PWWP3A: variants seen among roughly 807,000 people sequenced by gnomAD.
PWWP3A encodes PWWP domain-containing DNA repair factor 3A.
A neutral mutation model predicts 79.0 loss-of-function variants in PWWP3A; 53 were observed. That is an observed-to-expected ratio of 0.67 (90% CI 0.54 to 0.84). The LOEUF (loss-of-function observed/expected upper bound fraction) is 0.84. Ranked by LOEUF, PWWP3A falls within the 40% of genes least tolerant of loss-of-function variation. The pLI, the probability that PWWP3A is intolerant of heterozygous loss-of-function variation, is 0.00. For synonymous variants in PWWP3A, 443 were observed against 394.4 expected, an observed-to-expected ratio of 1.12 and a Z score of -1.46; for missense variants, 973 against 948.0, an observed-to-expected ratio of 1.03 and a Z score of -0.35.
rs754438911 is a variant in PWWP3A, at chr19:1,376,295, G to GTTTTTTTTTT, written c.2076-222_2076-213dup. ...CATGCGCCACCACGCCCGGCTGTTT[G>GTTTTTTTTTT]TTTTTTTTTTTGTTTGTTTTTTTTT... On this transcript the variant is annotated intron_variant, in intron 13 of 13. Coordinates refer to ENST00000591337, the MANE Select transcript of PWWP3A (RefSeq NM_001369789.1). Among the ~76,000 whole-genome samples, 20 of 67,062 alleles carry GTTTTTTTTTT rather than the reference G, an allele frequency of 3.0e-4. 1 individual carries two copies. The highest frequency in any genetic ancestry group is 7.5e-4 in the East Asian group (2 of 2,656). 44.0% of individuals were successfully genotyped at this position (67,062 alleles called of 152,430 possible). A position where few individuals can be genotyped will look rare whatever the true frequency, so the allele number is the denominator to read the frequency against.
At chr19:1,364,470 ATTCTT>A (rs1221680909) in intron 6 of PWWP3A, 34 bp from the exon 7 acceptor site, 3 of 1,494,330 alleles carry the variant, frequency 2.0e-6, no homozygotes, top group Non-Finnish European at 2.7e-6. Flanking sequence ...TGACTTGTCT[ATTCTT>A]TTTTTTTTGT....
chr19:1,373,021 GGGGCCAGTT>G (rs1424700141), intron 12 of PWWP3A, 42 bp from the exon 13 acceptor site: 14 of 1,566,174 alleles, frequency 8.9e-6, no homozygotes, highest in Non-Finnish European at 1.1e-5. Flanking sequence ...CAGGCCACTT[GGGGCCAGTT>G]GGGCAGTGCC....
At chr19:1,375,705 T>C (rs2082371656) in intron 13 of PWWP3A, among the ~76,000 whole-genome samples, 1 of 140,606 alleles carries the variant, frequency 7.1e-6, no homozygotes. Flanking sequence ...CAATTTAATA[T>C]ATAATATATA....
intron 3 of PWWP3A, chr19:1,357,465 T>G (rs984579133): frequency 1.3e-5 from 2 of 154,264 alleles, no homozygotes; most frequent in African/African-American, 4.9e-5. Flanking sequence ...GATGTTTCCT[T>G]CCCAGAGATC....
chr19:1,358,412 T>G lies in PWWP3A; in HGVS notation c.162T>G (p.Thr54=), dbSNP rs755657469. Residue 54 remains threonine, a synonymous_variant, in exon 4 of 14, where the codon ACT becomes ACG. Transcript: ENST00000591337. ...TCTGCAGAATTAAGGTGAAAAGCAC[T>G]GAAGTTGAGATCCTAGAGAAGTCTC... ...SLEEKIKVKS[T]EVEILEKSQI... The G allele has an allele frequency of 6.2e-7, 1 of 1,613,098 alleles. No individual in the cohort carries two copies. Among genetic ancestry groups the G allele is most frequent in the Non-Finnish European group, 8.5e-7 (1 of 1,179,266 alleles).
At position 1,371,087 on chromosome 19, in the gene PWWP3A, C is replaced by A. The variant is rs202216624; in HGVS notation, c.1986+9C>A. ...ACGTGCTTCTGCCCGAGGTGAGCCG[C>A]GGACCGGCGTGTCACGTGGGCAGGG... On this transcript the variant is annotated intron_variant, in intron 12 of 13. Coordinates refer to ENST00000591337, the MANE Select transcript of PWWP3A (RefSeq NM_001369789.1). The A allele has an allele frequency of 2.9e-5, 45 of 1,553,990 alleles. No individual in the cohort carries two copies. The Admixed American group carries it at 7.2e-4, about 25-fold the overall frequency.
intron 13 of PWWP3A, among the ~76,000 whole-genome samples, chr19:1,374,743 C>T (rs555770625): frequency 7.9e-5 from 12 of 152,144 alleles, no homozygotes; most frequent in African/African-American, 2.6e-4. Context: ...CATACTCTTT[C>T]GTAAAAAATT....
At position 1,369,133 on chromosome 19, in the gene PWWP3A, G is replaced by A; in HGVS notation, c.1423-132G>A. 1 of 732,678 alleles carries A rather than the reference G, an allele frequency of 1.4e-6. No homozygotes were observed. Among genetic ancestry groups the A allele is most frequent in the South Asian group, 1.7e-5 (1 of 59,830 alleles). 45.4% of individuals were successfully genotyped at this position (732,678 alleles called of 1,614,324 possible). ...GTCTGCCAGAGCCCCCTTTGTCAGG[G>A]AGGGTCAGAGGTGCGGGCTGGAGCG... On this transcript the variant is annotated intron_variant, in intron 9 of 13. Transcript: ENST00000591337. This position sits in a 1 kb window ranked among gnomAD's most constrained non-coding sequence, Gnocchi z 4.0.
chr19:1,358,485 G>A, intron 4 of PWWP3A, 21 bp downstream of exon 4: 1 of 1,612,290 alleles, frequency 6.2e-7, no homozygotes, highest in Non-Finnish European at 8.5e-7. Context: ...ATTTTTAAGT[G>A]GCCACTAGGT....
chr19:1,365,719 G>A (rs976079143), intron 7 of PWWP3A, among the ~76,000 whole-genome samples: 1 of 152,228 alleles, frequency 6.6e-6, no homozygotes, highest in African/African-American at 2.4e-5. Context: ...AGTTTCTGGG[G>A]TCCCTGCTGG....
chr19:1,358,281 G>A, intron 3 of PWWP3A, 113 bp from the exon 4 acceptor site: 1 of 1,006,842 alleles, frequency 9.9e-7, no homozygotes, highest in Non-Finnish European at 1.5e-6. Context: ...GGTTTAAGTG[G>A]AAGGTTGAGG....
At position 1,359,046 on chromosome 19, in the gene PWWP3A, C is replaced by G; in HGVS notation, c.214+582C>G. The G allele has an allele frequency of 1.4e-5, 4 of 286,080 alleles. No homozygotes were observed. The East Asian group carries it at 3.1e-4, about 22-fold the overall frequency. 17.7% of individuals were successfully genotyped at this position (286,080 alleles called of 1,614,324 possible). On this transcript the variant is annotated intron_variant, in intron 4 of 13. Coordinates refer to ENST00000591337, the MANE Select transcript of PWWP3A (RefSeq NM_001369789.1). ...CCGGGTGCGCTTTCTCCCAGGCCTT[C>G]AGTTTAGCACCCACCTCCTTTGCAC...
chr19:1,371,508 G>C, intron 12 of PWWP3A: 1 of 649,682 alleles, frequency 1.5e-6, no homozygotes, highest in Non-Finnish European at 2.8e-6. Flanking sequence ...CTCATACTCT[G>C]ATAAACCCGT....
chr19:1,375,637 A>G (rs1343735260), intron 13 of PWWP3A, among the ~76,000 whole-genome samples: 1 of 5,842 alleles, frequency 1.7e-4, no homozygotes, highest in Admixed American at 2.1e-3. Flanking sequence ...TTTATATATT[A>G]TATAATATAT....
rs200533082 is a variant in PWWP3A, at chr19:1,360,639, G to C, written c.718G>C (p.Glu240Gln). Reference sequence around the variant, plus strand: ...ATCTTCCCTTTCAGAGGACGACACGGAGAGAGACATGGGGAGCAAAGGAGG... The same window carrying C: ...ATCTTCCCTTTCAGAGGACGACACGCAGAGAGACATGGGGAGCAAAGGAGG... ...NGSSLSEDDT[E>Q]RDMGSKGGSW... The change falls in exon 5 of 14, where the codon GAG (glutamate) becomes CAG (glutamine). Residue 240 changes from glutamate (E) to glutamine (Q), a missense_variant. Physicochemically the swap from Glu to Gln is conservative, Grantham distance 29 (BLOSUM62 2). Coordinates refer to ENST00000591337, the MANE Select transcript of PWWP3A (RefSeq NM_001369789.1). This position sits in a 1 kb window ranked among gnomAD's most constrained non-coding sequence, Gnocchi z 4.4. The C allele has an allele frequency of 3.1e-6, 5 of 1,613,558 alleles. No individual in the cohort carries two copies. The highest frequency in any genetic ancestry group is 1.6e-4 in the Middle Eastern group (1 of 6,080).
chr19:1,356,250 GCCCCTGAGGGCTGTGTCTGCGTTAA>G (rs2081861941), intron 1 of PWWP3A, 49 bp from the exon 2 acceptor site: 1 of 694,674 alleles, frequency 1.4e-6, no homozygotes, highest in African/African-American at 1.8e-5. Flanking sequence ...GCTAACCTTT[GCCCCTGAGGGCTGTGTCTGCGTTAA>G]CATCGCCAGC....
intron 13 of PWWP3A, chr19:1,373,803 A>C (rs1380939786): frequency 6.6e-6 from 1 of 152,628 alleles, no homozygotes; most frequent in African/African-American, 2.4e-5. Context: ...TGGTGAAGAC[A>C]CTGAACTCCC....
At chr19:1,364,088 T>A (rs1404702485) in intron 6 of PWWP3A, 5 of 511,096 alleles carry the variant, frequency 9.8e-6, no homozygotes, top group Non-Finnish European at 1.9e-5. Flanking sequence ...ATCTCAGTCC[T>A]TGTGTTTGGG....
rs2082192779 is a variant in PWWP3A, at chr19:1,369,024, C to T, written c.1423-241C>T. On this transcript the variant is annotated intron_variant, in intron 9 of 13. Coordinates refer to ENST00000591337, the MANE Select transcript of PWWP3A (RefSeq NM_001369789.1). The surrounding 1 kb of genome is among the most constrained non-coding windows in gnomAD (Gnocchi z 4.0). Reference sequence around the variant, plus strand: ...TCAGATCAGCCCAAGCCATCGGGTCCCCGGTGCCCACCATTTGAGCAGCTC... The same window carrying T: ...TCAGATCAGCCCAAGCCATCGGGTCTCCGGTGCCCACCATTTGAGCAGCTC... 2.0e-6 allele frequency: 1 copy of T among 489,734 alleles called. No homozygotes were observed. Among genetic ancestry groups the T allele is most frequent in the South Asian group, 2.1e-5 (1 of 48,722 alleles). 30.3% of individuals were successfully genotyped at this position (489,734 alleles called of 1,614,324 possible).
Sources: gnomAD v4.1 joint callset for allele counts (sites outside exome capture counted in the v4.1 genomes callset) on GRCh38, gnomAD v4.1.1 for gene constraint, Gnocchi (gnomAD v3.1) non-coding constraint, MANE v1.5 for transcripts, NCBI Gene and HGNC (gene_info 2026-07-23, HGNC 2026-07-21) for gene names.